CERKL: variants seen among roughly 807,000 people sequenced by gnomAD.
CERKL encodes ceramide kinase-like protein.
A neutral mutation model predicts 63.4 loss-of-function variants in CERKL; 61 were observed. The ratio of observed to expected loss-of-function variants is 0.96; its 90% CI spans 0.78 to 1.19. The LOEUF (loss-of-function observed/expected upper bound fraction) is 1.19, where lower values mean the gene tolerates loss of function less well. Ranked by LOEUF, CERKL falls within the 50% of genes most tolerant of loss-of-function variation. The probability of loss-of-function intolerance (pLI) is 0.00; values close to 1 mark genes in which losing one functional copy is unlikely to be tolerated. For synonymous variants in CERKL, 250 were observed against 230.5 expected (o/e 1.08, Z -0.77); for missense variants, 675 against 655.5 (o/e 1.03, Z -0.33).
chr2:181,557,822 C>T (rs1315553247), intron 5 of CERKL, among the ~76,000 whole-genome samples: 1 of 152,144 alleles, frequency 6.6e-6, no homozygotes, highest in East Asian at 1.9e-4. Context: ...TCCTCAAACA[C>T]TCCTGGGTTT....
chr2:181,638,774 G>A (rs2105503489), intron 1 of CERKL, among the ~76,000 whole-genome samples: 1 of 152,300 alleles, frequency 6.6e-6, no homozygotes, highest in South Asian at 2.1e-4. Flanking sequence ...TTTGCCCAAG[G>A]CAGGACTCCT....
At chr2:181,615,183 T>TG (rs1686139106) in intron 1 of CERKL, among the ~76,000 whole-genome samples, 1 of 152,146 alleles carries the variant, frequency 6.6e-6, no homozygotes, top group African/African-American at 2.4e-5. Flanking sequence ...TGTATTTTTT[T>TG]GGGGGGAAAA....
intron 11 of CERKL, among the ~76,000 whole-genome samples, chr2:181,540,089 A>AT (rs1473116337): frequency 6.6e-6 from 1 of 152,182 alleles, no homozygotes; most frequent in Non-Finnish European, 1.5e-5. Flanking sequence ...GAAAACTAAT[A>AT]TTTTCCCCAA....
At position 181,636,004 on chromosome 2, in the gene CERKL, G is replaced by A. The variant is rs1430997283; in HGVS notation, c.238+20765C>T. On this transcript the variant is annotated intron_variant, in intron 1 of 12. Coordinates refer to ENST00000410087, the MANE Select transcript of CERKL (RefSeq NM_201548.5). ...TAGCCTCTACTCTAATAAGAAACAGGATACACAAGGAAAGAGCCTAGGGCT... is the reference window on the plus strand; with the variant it reads ...TAGCCTCTACTCTAATAAGAAACAGAATACACAAGGAAAGAGCCTAGGGCT... 2.6e-5 allele frequency among the ~76,000 whole-genome samples: 4 copies of A among 152,188 alleles called. No individual in the cohort carries two copies. The East Asian group carries it at 7.7e-4, about 29-fold the overall frequency.
chr2:181,652,688 G>A (rs946885154), intron 1 of CERKL, among the ~76,000 whole-genome samples: 2 of 151,542 alleles, frequency 1.3e-5, no homozygotes, highest in African/African-American at 4.8e-5. Context: ...GCTGCAGAAT[G>A]GGAGAAAAAT....
intron 1 of CERKL, among the ~76,000 whole-genome samples, chr2:181,613,806 T>G (rs1335631066): frequency 6.6e-6 from 1 of 152,236 alleles, no homozygotes; most frequent in Non-Finnish European, 1.5e-5. Context: ...TTTGGCAATA[T>G]TAACCATTTA....
At chr2:181,592,073 G>A (rs1162173105) in intron 2 of CERKL, among the ~76,000 whole-genome samples, 3 of 151,990 alleles carry the variant, frequency 2.0e-5, no homozygotes, top group Non-Finnish European at 4.4e-5. Flanking sequence ...ATATCTCAAA[G>A]GAAACTCAAT....
chr2:181,539,131 T>C lies in CERKL; in HGVS notation c.1499A>G (p.Asp500Gly), dbSNP rs1424551188. 2 of 1,608,610 alleles carry C rather than the reference T, an allele frequency of 1.2e-6. No individual in the cohort carries two copies. Among genetic ancestry groups the C allele is most frequent in the East Asian group, 2.2e-5 (1 of 44,774 alleles). Reference protein sequence around the residue: ...ASENCFPWNVDGDLMEVASEV... With the variant: ...ASENCFPWNVGGDLMEVASEV... ...TGATGCAACTTCCATTAAGTCACCA[T>C]CTACATTCCAAGGGAAACAATTTTC... Residue 500 changes from aspartate to glycine, a missense_variant, in exon 12 of 13, where the codon GAT (aspartate) becomes GGT (glycine). Transcript: ENST00000410087.
chr2:181,554,985 C>T lies in CERKL; in HGVS notation c.820+3581G>A, dbSNP rs148258470. On this transcript the variant is annotated intron_variant, in intron 5 of 12. Coordinates refer to ENST00000410087, the MANE Select transcript of CERKL (RefSeq NM_201548.5). ...TTGGCAGCATACTGTGTCTTCTAAA[C>T]AAGACAGGTTAAAATGGCATTACTA... is the stretch of plus-strand genomic sequence containing the variant. Among the ~76,000 whole-genome samples, 6 of 152,238 alleles carry T rather than the reference C, an allele frequency of 3.9e-5. No individual in the cohort carries two copies. The East Asian group carries it at 1.2e-3, about 29-fold the overall frequency.
chr2:181,582,128 C>T (rs1207361654), intron 2 of CERKL, among the ~76,000 whole-genome samples: 3 of 152,230 alleles, frequency 2.0e-5, no homozygotes, highest in Non-Finnish European at 2.9e-5. Context: ...GAACCACTGT[C>T]CATACACTGA....
chr2:181,589,735 A>G (rs62189986), intron 2 of CERKL, among the ~76,000 whole-genome samples: 39,101 of 152,196 alleles, frequency 0.26, 6,631 homozygotes, highest in Non-Finnish European at 0.37. Context: ...GAATTTATCT[A>G]TAAGTTGAGT....
intron 1 of CERKL, among the ~76,000 whole-genome samples, chr2:181,636,528 A>T (rs570497423): frequency 1.9e-4 from 29 of 152,080 alleles, no homozygotes; most frequent in African/African-American, 6.5e-4. Context: ...CACCTTCCTC[A>T]ATTTTCAGGT....
intron 4 of CERKL, among the ~76,000 whole-genome samples, chr2:181,560,519 T>C (rs1044609648): frequency 7.2e-5 from 11 of 152,136 alleles, no homozygotes. Context: ...TAGTGAATAA[T>C]TACTATATAT....
intron 5 of CERKL, among the ~76,000 whole-genome samples, chr2:181,554,341 G>A (rs1331099451): frequency 2.6e-5 from 4 of 151,964 alleles, no homozygotes; most frequent in Non-Finnish European, 5.9e-5. Context: ...TCATGAAAAC[G>A]GCACCTACAC....
chr2:181,545,665 A>C (rs1687695058), intron 10 of CERKL, among the ~76,000 whole-genome samples: 4 of 152,200 alleles, frequency 2.6e-5, no homozygotes. Context: ...TCAAAGGCAC[A>C]CAGAGAAAAA....
chr2:181,639,123 T>C (rs964362262), intron 1 of CERKL, among the ~76,000 whole-genome samples: 7 of 152,194 alleles, frequency 4.6e-5, no homozygotes, highest in Non-Finnish European at 1.0e-4. Context: ...TAACTGGATA[T>C]GTAAAACTAT....
intron 3 of CERKL, among the ~76,000 whole-genome samples, chr2:181,569,879 G>A (rs918841520): frequency 3.9e-5 from 6 of 152,044 alleles, no homozygotes; most frequent in Admixed American, 2.0e-4. Flanking sequence ...ACAAAGAGGC[G>A]AATGTCAGCT....
chr2:181,548,553 C>A lies in CERKL; in HGVS notation c.1125G>T (p.Val375=), dbSNP rs1687837583. The change falls in exon 8 of 13, where the codon GTG becomes GTT. Residue 375 remains valine (V), a synonymous_variant. Coordinates refer to ENST00000410087, the MANE Select transcript of CERKL (RefSeq NM_201548.5). ...ATTGAGTTTTTACCTACCTTTCTTG[C>A]ACATCATCAGAGCTGTTAAATGGTA... is the stretch of plus-strand genomic sequence containing the variant. The part of the protein sequence containing the change: ...SFLPFNSSDD[V]QERRAQGSPK... 2 of 1,610,486 alleles carry A rather than the reference C, an allele frequency of 1.2e-6. No individual in the cohort carries two copies. Among genetic ancestry groups the A allele is most frequent in the Non-Finnish European group, 1.7e-6 (2 of 1,177,220 alleles).
intron 2 of CERKL, among the ~76,000 whole-genome samples, chr2:181,587,580 T>C (rs902176476): frequency 6.6e-6 from 1 of 152,162 alleles, no homozygotes; most frequent in Non-Finnish European, 1.5e-5. Context: ...AAAAGAGATA[T>C]ACGTAACTGG....
Sources: allele counts gnomAD v4.1 joint callset (sites outside exome capture counted in the v4.1 genomes callset), GRCh38; gene constraint gnomAD v4.1.1; transcripts MANE v1.5; gene names NCBI Gene and HGNC (gene_info 2026-07-23, HGNC 2026-07-21).